The following USP13 variants were observed in gnomAD, a reference collection of about 807,000 sequenced individuals.
USP13 encodes ubiquitin carboxyl-terminal hydrolase 13.
A neutral mutation model predicts 107.8 loss-of-function variants in USP13; 68 were observed. That is an observed-to-expected ratio of 0.63 (90% CI 0.52 to 0.77). The LOEUF is 0.77. USP13 is among the 30% of genes least tolerant of loss of function. The probability of loss-of-function intolerance (pLI) is 0.00; values close to 1 mark genes in which losing one functional copy is unlikely to be tolerated. For missense variants in USP13, 945 were observed against 1,093.3 expected (o/e 0.86, Z 1.91); for synonymous variants, 377 against 389.5 (o/e 0.97, Z 0.38).
chr3:179,728,564 A>G (rs1276136734), intron 8 of USP13, among the ~76,000 whole-genome samples: 3 of 151,058 alleles, frequency 2.0e-5, no homozygotes, highest in Admixed American at 6.6e-5. Context: ...GACACTCCTC[A>G]CTTCCCAGAC....
chr3:179,683,502 A>G (rs1439982456), intron 2 of USP13, among the ~76,000 whole-genome samples: 2 of 152,236 alleles, frequency 1.3e-5, no homozygotes, highest in Non-Finnish European at 2.9e-5. Flanking sequence ...TGTCACAATC[A>G]TGGTAGAAGG....
rs1714252490 is a variant in USP13 at position 179,742,890 on chromosome 3, G to A, written c.1534+540G>A. Among the ~76,000 whole-genome samples the A allele has an allele frequency of 6.6e-6, 1 of 152,182 alleles. No homozygotes were observed. The highest frequency in any genetic ancestry group is 2.1e-4 in the South Asian group (1 of 4,834). On this transcript the variant is annotated intron_variant, in intron 12 of 20. Coordinates refer to ENST00000263966, the MANE Select transcript of USP13 (RefSeq NM_003940.3). This position sits in a 1 kb window ranked among gnomAD's most constrained non-coding sequence, Gnocchi z 5.0. The stretch of plus-strand genomic sequence containing the variant: ...GCTTTGGAAGAGAGAAGGAGGCAGA[G>A]ATGTGGCACTCATGTTTGGTGCCTT...
chr3:179,658,145 G>A (rs910467019), intron 1 of USP13, among the ~76,000 whole-genome samples: 3 of 152,070 alleles, frequency 2.0e-5, no homozygotes, highest in Non-Finnish European at 2.9e-5. Context: ...TAGTAGAGAC[G>A]GGGTTTCACT....
At position 179,657,762 on chromosome 3, in the gene USP13, C is replaced by CAAAA. The variant is rs35377039; in HGVS notation, c.168+4390_168+4393dup. On this transcript the variant is annotated intron_variant, in intron 1 of 20. Coordinates refer to ENST00000263966, the MANE Select transcript of USP13 (RefSeq NM_003940.3). ...CTGGTGACAGAGGGGAATTCCGTCT[C>CAAAA]AAAAAAAAAAAAAAAAAAAAAAAAG... Among the ~76,000 whole-genome samples the CAAAA allele has an allele frequency of 5.9e-3, 433 of 73,476 alleles. 20 individuals carry two copies. The highest frequency in any genetic ancestry group is 0.019 in the African/African-American group (375 of 19,302). 48.2% of individuals were successfully genotyped at this position (73,476 alleles called of 152,430 possible).
intron 19 of USP13, among the ~76,000 whole-genome samples, chr3:179,778,557 C>G (rs115816587): frequency 6.9e-4 from 105 of 152,210 alleles, no homozygotes; most frequent in African/African-American, 2.5e-3. Context: ...TGAGGTCAGG[C>G]GTTCGAGACC....
rs71628094 is a variant in USP13, at chr3:179,776,858, G to GTTTT, written c.2414-4859_2414-4856dup. ...TTTTGGAGCGTGTTTTAGAGTGCTG[G>GTTTT]TTTTTTTTTTTTTTTTTTTTTTTTT... On this transcript the variant is annotated intron_variant, in intron 19 of 20. Coordinates refer to ENST00000263966, the MANE Select transcript of USP13 (RefSeq NM_003940.3). Among the ~76,000 whole-genome samples the GTTTT allele has an allele frequency of 2.3e-3, 178 of 78,250 alleles. 1 individual carries two copies. The highest frequency in any genetic ancestry group is 6.6e-3 in the African/African-American group (125 of 19,076). 51.3% of individuals were successfully genotyped at this position (78,250 alleles called of 152,430 possible). A position where few individuals can be genotyped will look rare whatever the true frequency, so the allele number is the denominator to read the frequency against.
chr3:179,763,483 A>G (rs901242304), intron 17 of USP13, among the ~76,000 whole-genome samples: 1 of 152,176 alleles, frequency 6.6e-6, no homozygotes, highest in Non-Finnish European at 1.5e-5. Context: ...TCCTTTCCCC[A>G]CTGAATGGTC....
In USP13 at chr3:179,750,326, G is replaced by GTGTGTATATATATATATATATA. The variant is rs1553797370; in HGVS notation, c.1710-1958_1710-1957insGTGTATATATATATATATATAT. On this transcript the variant is annotated intron_variant, in intron 13 of 20. Transcript: ENST00000263966. ...TGTGTATATATATATATATATGTGT[G>GTGTGTATATATATATATATATA]TATATATATATATATATATGTATAT... is the stretch of plus-strand genomic sequence containing the variant. Among the ~76,000 whole-genome samples the GTGTGTATATATATATATATATA allele has an allele frequency of 1.1e-3, 81 of 75,836 alleles. No individual in the cohort carries two copies. The East Asian group carries it at 0.016, about 15-fold the overall frequency. The allele number at this position is 75,836 out of a possible 152,430, so 49.8% of individuals were successfully genotyped here. A position where few individuals can be genotyped will look rare whatever the true frequency, so the allele number is the denominator to read the frequency against.
At position 179,653,611 on chromosome 3, in the gene USP13, C is replaced by G. The variant is rs1720157876; in HGVS notation, c.168+218C>G. 1.6e-6 allele frequency: 1 copy of G among 622,956 alleles called. No individual in the cohort carries two copies. The highest frequency in any genetic ancestry group is 3.3e-5 in the Admixed American group (1 of 29,894). 38.6% of individuals were successfully genotyped at this position (622,956 alleles called of 1,614,324 possible). ...TGGTGGTTTTGCTCCGCCAGCCTCC[C>G]CAGGCTGGAAGGGCCCGATTCCCAG... On this transcript the variant is annotated intron_variant, in intron 1 of 20. Transcript: ENST00000263966. The surrounding 1 kb of genome is among the most constrained non-coding windows in gnomAD (Gnocchi z 4.0).
At chr3:179,765,976 C>G in intron 19 of USP13, 128 bp downstream of exon 19, 3 of 888,098 alleles carry the variant, frequency 3.4e-6, no homozygotes, top group Non-Finnish European at 4.7e-6. Flanking sequence ...CCATCTTCTT[C>G]GTTTTTTTTT....
chr3:179,702,271 G>T (rs928917522), intron 4 of USP13, among the ~76,000 whole-genome samples: 6 of 152,160 alleles, frequency 3.9e-5, no homozygotes, highest in South Asian at 4.2e-4. Flanking sequence ...CACCTGCCTC[G>T]GCCTCCCAAA....
In USP13 at chr3:179,745,050, G is replaced by C; in HGVS notation, c.1542G>C (p.Leu514=). ...AMEAATNKDE[L]IAYELTRREA... ...ATTTGCTCTTTCACCCAGATGAACT[G>C]ATCGCTTATGAACTAACGAGAAGGG... is the stretch of plus-strand genomic sequence containing the variant. The change falls in exon 13 of 21, where the codon CTG becomes CTC. Residue 514 remains leucine (L), a synonymous_variant. Coordinates refer to ENST00000263966, the MANE Select transcript of USP13 (RefSeq NM_003940.3). The C allele has an allele frequency of 6.2e-7, 1 of 1,614,116 alleles. No individual in the cohort carries two copies. Among genetic ancestry groups the C allele is most frequent in the South Asian group, 1.1e-5 (1 of 91,064 alleles).
intron 1 of USP13, among the ~76,000 whole-genome samples, chr3:179,681,648 G>A (rs1711656888): frequency 6.6e-6 from 1 of 151,878 alleles, no homozygotes; most frequent in South Asian, 2.1e-4. Context: ...TTAAGGGAGG[G>A]GGGTGAAAGG....
At chr3:179,687,815 A>C (rs1318435386) in intron 2 of USP13, among the ~76,000 whole-genome samples, 1 of 151,966 alleles carries the variant, frequency 6.6e-6, no homozygotes, top group Non-Finnish European at 1.5e-5. Flanking sequence ...CTGGCACTTA[A>C]ATCTCTGATG....
At chr3:179,722,919 G>A (rs1158527550) in intron 8 of USP13, among the ~76,000 whole-genome samples, 1 of 152,198 alleles carries the variant, frequency 6.6e-6, no homozygotes, top group Non-Finnish European at 1.5e-5. Context: ...CACCGAGGGG[G>A]ACAGCAGCTA....
intron 1 of USP13, among the ~76,000 whole-genome samples, chr3:179,657,786 A>G (rs979165416): frequency 6.7e-6 from 1 of 148,908 alleles, no homozygotes; most frequent in East Asian, 2.0e-4. Context: ...AAAAAAAAAA[A>G]GAAAGAAAAA....
chr3:179,667,519 G>A (rs559430160), intron 1 of USP13, among the ~76,000 whole-genome samples: 7 of 152,272 alleles, frequency 4.6e-5, no homozygotes, highest in East Asian at 3.9e-4. Context: ...GAGTGTGTTC[G>A]TATGCCGATG....
At chr3:179,700,021 A>C (rs1460631793) in intron 3 of USP13, among the ~76,000 whole-genome samples, 2 of 152,100 alleles carry the variant, frequency 1.3e-5, no homozygotes, top group Non-Finnish European at 2.9e-5. Flanking sequence ...TGGAATAGCT[A>C]GCTCTTTGTC....
At chr3:179,680,213 AGAG>A (rs1553788511) in intron 1 of USP13, among the ~76,000 whole-genome samples, 6 of 151,900 alleles carry the variant, frequency 3.9e-5, no homozygotes, top group Non-Finnish European at 5.9e-5. Flanking sequence ...AAAGAAAGAG[AGAG>A]AGAGAGAAAG....
Sources: allele counts gnomAD v4.1 joint callset (sites outside exome capture counted in the v4.1 genomes callset), GRCh38; gene constraint gnomAD v4.1.1; non-coding constraint Gnocchi (gnomAD v3.1); transcripts MANE v1.5; gene names NCBI Gene and HGNC (gene_info 2026-07-23, HGNC 2026-07-21).